Variants in TUBA1C observed in about 807,000 individuals in gnomAD.
TUBA1C encodes tubulin alpha 1c.
Under a neutral mutation model 34.9 loss-of-function variants are expected in TUBA1C, and 16 were observed. The observed-to-expected ratio is 0.46, with a 90% CI of 0.31 to 0.70. The LOEUF (loss-of-function observed/expected upper bound fraction) is 0.70. TUBA1C is among the 30% of genes least tolerant of loss of function. TUBA1C has a pLI of 0.05. For missense variants in TUBA1C, 329 were observed against 587.3 expected, an observed-to-expected ratio of 0.56 and a Z score of 4.55; for synonymous variants, 177 against 215.9, an observed-to-expected ratio of 0.82 and a Z score of 1.58.
At chr12:49,241,829 T>C (rs539593242) in intron 1 of TUBA1C, among the ~76,000 whole-genome samples, 17 of 151,848 alleles carry the variant, frequency 1.1e-4, no homozygotes, top group Admixed American at 9.9e-4. Flanking sequence ...TTTTGTATTT[T>C]AGTAGAGATT....
At chr12:49,245,465 A>C (rs1470356177) in intron 1 of TUBA1C, among the ~76,000 whole-genome samples, 1 of 152,174 alleles carries the variant, frequency 6.6e-6, no homozygotes, top group African/African-American at 2.4e-5. Flanking sequence ...AAAATTAACC[A>C]GGTAGTGGTG....
chr12:49,264,949 G>A (rs1333446653), upstream of TUBA1C: 6 of 457,076 alleles, frequency 1.3e-5, no homozygotes, highest in African/African-American at 2.0e-5. Flanking sequence ...CCCCCACTCC[G>A]CGGGTGCGGC....
chr12:49,248,213 T>G (rs1191240875), intron 1 of TUBA1C, among the ~76,000 whole-genome samples: 1 of 150,890 alleles, frequency 6.6e-6, no homozygotes, highest in Non-Finnish European at 1.5e-5. Flanking sequence ...AGGCGGAGGT[T>G]GCAGTGAGCC....
chr12:49,258,555 G>A (rs1942809699), intron 1 of TUBA1C, among the ~76,000 whole-genome samples: 1 of 151,958 alleles, frequency 6.6e-6, no homozygotes, highest in Non-Finnish European at 1.5e-5. Flanking sequence ...AGCCTCCCAA[G>A]TAGCTGGGAT....
chr12:49,270,958 G>A (rs957467271), intron 3 of TUBA1C, among the ~76,000 whole-genome samples: 56 of 152,050 alleles, frequency 3.7e-4, no homozygotes, highest in African/African-American at 1.2e-3. Context: ...CAGCCTGGGC[G>A]ACAGAGTGAG....
chr12:49,239,677 A>G (rs1398288573), intron 1 of TUBA1C, among the ~76,000 whole-genome samples: 3 of 151,740 alleles, frequency 2.0e-5, no homozygotes, highest in Non-Finnish European at 2.9e-5. Context: ...AATTGCGTGA[A>G]GCTGGGTGCA....
intron 1 of TUBA1C, among the ~76,000 whole-genome samples, chr12:49,229,770 T>A (rs1011486556): frequency 6.6e-6 from 1 of 151,340 alleles, no homozygotes; most frequent in East Asian, 1.9e-4. Flanking sequence ...CTTAACTTGC[T>A]TTTTTTTTCT....
chr12:49,230,826 TG>T (rs1450326945), intron 1 of TUBA1C, among the ~76,000 whole-genome samples: 2 of 152,224 alleles, frequency 1.3e-5, no homozygotes, highest in African/African-American at 4.8e-5. Flanking sequence ...CATTGGAAAC[TG>T]ACTGAGAGCT....
intron 1 of TUBA1C, among the ~76,000 whole-genome samples, chr12:49,242,286 C>T (rs970349146): frequency 6.6e-6 from 1 of 151,804 alleles, no homozygotes; most frequent in Non-Finnish European, 1.5e-5. Flanking sequence ...CCACTGCACC[C>T]GGCCAAAAGT....
At chr12:49,271,205 A>G (rs957687318) in intron 3 of TUBA1C, among the ~76,000 whole-genome samples, 1 of 152,228 alleles carries the variant, frequency 6.6e-6, no homozygotes, top group Non-Finnish European at 1.5e-5. Context: ...CATTGATCTC[A>G]TGTAGTTGAT....
chr12:49,230,386 G>A (rs931753908), intron 1 of TUBA1C, among the ~76,000 whole-genome samples: 1 of 152,132 alleles, frequency 6.6e-6, no homozygotes, highest in African/African-American at 2.4e-5. Context: ...CCAGTACTGT[G>A]AGCCCAAGTG....
intron 1 of TUBA1C, among the ~76,000 whole-genome samples, chr12:49,230,727 T>C (rs1310894054): frequency 1.3e-5 from 2 of 152,186 alleles, no homozygotes; most frequent in East Asian, 3.8e-4. Flanking sequence ...ACTTCAGATA[T>C]TAGGTTGCAA....
chr12:49,274,546 A>AG lies in TUBA1C; in HGVS notation c.*1320dup, dbSNP rs1288152790. Reference sequence around the variant, plus strand: ...TGCTGGAGCCAAAATTCAAGTGCCCAGCCACACTGCCAGAACTATTGCTGT... The same window carrying AG: ...TGCTGGAGCCAAAATTCAAGTGCCCAGGCCACACTGCCAGAACTATTGCTGT... On this transcript the variant is annotated 3_prime_UTR_variant, in exon 4 of 4. Transcript: ENST00000301072. 6.6e-6 allele frequency: 1 copy of AG among 152,110 alleles called. No individual in the cohort carries two copies. The allele number at this position is 152,110 out of a possible 1,614,324, so 9.4% of individuals were successfully genotyped here. A position where few individuals can be genotyped will look rare whatever the true frequency, so the allele number is the denominator to read the frequency against.
chr12:49,266,620 G>A (rs1201849447), intron 1 of TUBA1C, among the ~76,000 whole-genome samples: 6 of 152,124 alleles, frequency 3.9e-5, no homozygotes, highest in Non-Finnish European at 1.5e-5. Context: ...AGTCCGAGGC[G>A]GGAGGACCGC....
At chr12:49,257,615 C>CA (rs1942797693) in intron 1 of TUBA1C, among the ~76,000 whole-genome samples, 1 of 151,546 alleles carries the variant, frequency 6.6e-6, no homozygotes, top group South Asian at 2.1e-4. Flanking sequence ...CCTCTCGCTA[C>CA]AAAAAATACA....
chr12:49,246,535 T>C (rs955130368), intron 1 of TUBA1C, among the ~76,000 whole-genome samples: 6 of 150,916 alleles, frequency 4.0e-5, no homozygotes, highest in Non-Finnish European at 7.4e-5. Flanking sequence ...ATTAGCCGGG[T>C]GTGGTGGCGG....
chr12:49,228,207 T>C, intron 1 of TUBA1C: 1 of 1,525,802 alleles, frequency 6.6e-7, no homozygotes, highest in Non-Finnish European at 8.8e-7. Context: ...AGCTTCATCA[T>C]GCACGGCTTG....
Position 49,230,368 on chromosome 12 carries a change from C to T in TUBA1C, c.213+2202C>T, listed in dbSNP as rs571787833. ...TAGGAGAAGAAGGAAAGGTGAGACACGCCCACGCCAGTACTGTGAGCCCAA... is the reference window on the plus strand; with the variant it reads ...TAGGAGAAGAAGGAAAGGTGAGACATGCCCACGCCAGTACTGTGAGCCCAA... On this transcript the variant is annotated intron_variant, in intron 1 of 3. Coordinates refer to the TUBA1C transcript ENST00000541364. 1.1e-4 allele frequency among the ~76,000 whole-genome samples: 17 copies of T among 152,266 alleles called. 1 individual carries two copies. In the South Asian group the frequency reaches 2.1e-3, roughly 19 times the overall value.
chr12:49,246,160 C>T (rs1452413215), intron 1 of TUBA1C, among the ~76,000 whole-genome samples: 3 of 151,376 alleles, frequency 2.0e-5, no homozygotes, highest in Non-Finnish European at 4.4e-5. Context: ...CCCGCCTCAG[C>T]CTCCCAAAGT....
Sources: allele counts gnomAD v4.1 joint callset (sites outside exome capture counted in the v4.1 genomes callset), GRCh38; gene constraint gnomAD v4.1.1; transcripts MANE v1.5; gene names NCBI Gene and HGNC (gene_info 2026-07-23, HGNC 2026-07-21).